PTPRD: variants seen among roughly 807,000 people sequenced by gnomAD.
PTPRD encodes protein tyrosine phosphatase receptor type D, also known as receptor-type tyrosine-protein phosphatase delta.
A neutral mutation model predicts 214.5 loss-of-function variants in PTPRD; 34 were observed. The ratio of observed to expected loss-of-function variants is 0.16; its 90% CI spans 0.12 to 0.21. The LOEUF is 0.21. PTPRD is among the 10% of genes least tolerant of loss of function. PTPRD has a pLI of 1.00. For synonymous variants in PTPRD, 1,128 were observed against 845.7 expected (o/e 1.33, Z -5.79); for missense variants, 2,545 against 2,398.7 (o/e 1.06, Z -1.27).
At chr9:9,892,955 T>G (rs1003223865) in intron 5 of PTPRD, among the ~76,000 whole-genome samples, 1 of 152,040 alleles carries the variant, frequency 6.6e-6, no homozygotes, top group Admixed American at 6.6e-5. Context: ...TGGGAAAATT[T>G]GTAGGAGTAA....
At chr9:9,789,888 A>G (rs1344934240) in intron 5 of PTPRD, among the ~76,000 whole-genome samples, 1 of 151,788 alleles carries the variant, frequency 6.6e-6, no homozygotes, top group African/African-American at 2.4e-5. Flanking sequence ...CATTGTAGCT[A>G]CTGAAATCTC....
chr9:9,810,356 G>A (rs556412714), intron 5 of PTPRD, among the ~76,000 whole-genome samples: 8 of 152,124 alleles, frequency 5.3e-5, no homozygotes, highest in Non-Finnish European at 1.0e-4. Flanking sequence ...GGCAAAAAAG[G>A]AGACGTCAAT....
chr9:9,976,781 T>C (rs192543328), intron 4 of PTPRD, among the ~76,000 whole-genome samples: 17 of 151,546 alleles, frequency 1.1e-4, no homozygotes, highest in African/African-American at 3.1e-4. Context: ...TGTGTTCTTA[T>C]TCTCTAGCTA....
In PTPRD at chr9:9,296,218, T is replaced by C. The variant is rs569463146; in HGVS notation, c.-203+101231A>G. On this transcript the variant is annotated intron_variant, in intron 9 of 45. Transcript: ENST00000381196. ...TCTGCACCATGAACTTGTACTCATA[T>C]TACAGTTCAGGTTTATATTCTGAGT... Among the ~76,000 whole-genome samples, 23 of 151,920 alleles carry C rather than the reference T, an allele frequency of 1.5e-4. No homozygotes were observed. The South Asian group carries it at 4.8e-3, about 31-fold the overall frequency.
At chr9:8,343,237 C>T (rs12349797) in intron 39 of PTPRD, among the ~76,000 whole-genome samples, 35,112 of 151,908 alleles carry the variant, frequency 0.23, 5,863 homozygotes, top group African/African-American at 0.48. Flanking sequence ...CTGTGGTTTA[C>T]AGACTGGGCT....
At chr9:10,360,200 T>C (rs2097351610) in intron 2 of PTPRD, among the ~76,000 whole-genome samples, 1 of 152,258 alleles carries the variant, frequency 6.6e-6, no homozygotes. Context: ...ACTCTTGATT[T>C]GGACACTATC....
chr9:9,072,529 T>C (rs933910010), intron 10 of PTPRD, among the ~76,000 whole-genome samples: 1 of 152,168 alleles, frequency 6.6e-6, no homozygotes, highest in Non-Finnish European at 1.5e-5. Context: ...AGGAGTGAAC[T>C]AGAAATGTAC....
chr9:9,764,877 A>C (rs2098693660), intron 6 of PTPRD, among the ~76,000 whole-genome samples: 1 of 152,164 alleles, frequency 6.6e-6, no homozygotes, highest in Non-Finnish European at 1.5e-5. Flanking sequence ...TCATTACCAG[A>C]AATATCATTT....
chr9:10,336,257 T>C (rs2096842034), intron 3 of PTPRD, among the ~76,000 whole-genome samples: 1 of 151,638 alleles, frequency 6.6e-6, no homozygotes, highest in African/African-American at 2.4e-5. Flanking sequence ...AGTGAAAGAA[T>C]ACTAAATAAG....
chr9:9,049,267 G>A (rs903075248), intron 10 of PTPRD, among the ~76,000 whole-genome samples: 5 of 152,140 alleles, frequency 3.3e-5, no homozygotes, highest in African/African-American at 9.7e-5. Flanking sequence ...TGAGAAAAAT[G>A]TTATCAAGTC....
At chr9:9,872,821 G>A (rs768391577) in intron 5 of PTPRD, among the ~76,000 whole-genome samples, 1 of 152,072 alleles carries the variant, frequency 6.6e-6, no homozygotes, top group Non-Finnish European at 1.5e-5. Flanking sequence ...TTCAAGAGAA[G>A]ATGGAGGAGA....
At chr9:10,477,922 C>T (rs1988304) in intron 2 of PTPRD, among the ~76,000 whole-genome samples, 148,044 of 151,476 alleles carry the variant, frequency 0.98, 72,356 homozygotes, top group East Asian at 1. Context: ...TAAGTGGGAG[C>T]TGAACAATGA....
At chr9:9,444,933 G>T (rs998403738) in intron 8 of PTPRD, among the ~76,000 whole-genome samples, 1 of 151,962 alleles carries the variant, frequency 6.6e-6, no homozygotes, top group Non-Finnish European at 1.5e-5. Context: ...TCCTTCATTT[G>T]TTCCATTTGA....
rs116592527 is a variant in PTPRD at position 8,626,020 on chromosome 9, C to T, written c.352+7297G>A. Among the ~76,000 whole-genome samples, 1,196 of 151,658 alleles carry T rather than the reference C, an allele frequency of 7.9e-3. 21 individuals are homozygous for T. The highest frequency in any genetic ancestry group is 0.026 in the African/African-American group (1,075 of 41,396). ...AGTTACTTGCTCTTCTAAGGAGATA[C>T]GTAATTAGGGCTTTGATAATTAAAC... On this transcript the variant is annotated intron_variant, in intron 14 of 45. Coordinates refer to ENST00000381196, the MANE Select transcript of PTPRD (RefSeq NM_002839.4).
chr9:8,482,232 A>G (rs893337871), intron 30 of PTPRD, among the ~76,000 whole-genome samples: 4 of 152,132 alleles, frequency 2.6e-5, no homozygotes, highest in African/African-American at 9.7e-5. Context: ...CCAAGCTCAG[A>G]ACTCAGAGCC....
chr9:10,196,012 G>T (rs927809461), intron 3 of PTPRD, among the ~76,000 whole-genome samples: 1 of 152,094 alleles, frequency 6.6e-6, no homozygotes, highest in African/African-American at 2.4e-5. Context: ...GGAGGAGGGG[G>T]ATTGACTATA....
chr9:9,686,574 G>T (rs1046698272), intron 7 of PTPRD, among the ~76,000 whole-genome samples: 2 of 151,542 alleles, frequency 1.3e-5, no homozygotes, highest in Admixed American at 6.6e-5. Context: ...GTGGCTAATA[G>T]GAAGGCAGCA....
intron 27 of PTPRD, among the ~76,000 whole-genome samples, chr9:8,486,939 T>C (rs2097030377): frequency 6.6e-6 from 1 of 152,186 alleles, no homozygotes; most frequent in Non-Finnish European, 1.5e-5. Flanking sequence ...AACCCACCTC[T>C]GTCTGGAGTC....
chr9:9,352,351 GTGTA>G (rs1569567631), intron 9 of PTPRD, among the ~76,000 whole-genome samples: 9 of 140,490 alleles, frequency 6.4e-5, no homozygotes, highest in African/African-American at 2.0e-4. Flanking sequence ...GTGTGTGTGT[GTGTA>G]TATATGTGTG....
Sources: gnomAD v4.1 joint callset for allele counts (sites outside exome capture counted in the v4.1 genomes callset) on GRCh38, gnomAD v4.1.1 for gene constraint, MANE v1.5 for transcripts, NCBI Gene and HGNC (gene_info 2026-07-23, HGNC 2026-07-21) for gene names.